COL24A1: variants seen among roughly 807,000 people sequenced by gnomAD.
COL24A1 encodes collagen alpha-1(XXIV) chain.
COL24A1 carries 224 observed loss-of-function variants against 253.9 expected under a neutral mutation model. The ratio of observed to expected loss-of-function variants is 0.88; its 90% CI spans 0.79 to 0.99. The LOEUF (loss-of-function observed/expected upper bound fraction) is 0.99, where lower values mean the gene tolerates loss of function less well. COL24A1 is among the 50% of genes least tolerant of loss of function. The probability of loss-of-function intolerance (pLI) is 0.00; values close to 1 mark genes in which losing one functional copy is unlikely to be tolerated. For synonymous variants in COL24A1, 685 were observed against 673.7 expected (o/e 1.02, Z -0.26); for missense variants, 2,131 against 2,068.5 (o/e 1.03, Z -0.59).
At position 86,156,403 on chromosome 1, in the gene COL24A1, G is replaced by T; in HGVS notation, c.-7C>A. On this transcript the variant is annotated 5_prime_UTR_variant, in exon 1 of 60. Coordinates refer to ENST00000370571, the MANE Select transcript of COL24A1 (RefSeq NM_152890.7). ...TGTGGGCTCTTAAATGCATTTGTAT[G>T]CATTTGTCCGTGCAGCAAAGCGCTA... 1.2e-6 allele frequency: 2 copies of T among 1,611,038 alleles called. No homozygotes were observed. Among genetic ancestry groups the T allele is most frequent in the South Asian group, 2.2e-5 (2 of 90,506 alleles).
At chr1:85,880,904 T>A (rs1171557047) in intron 32 of COL24A1, among the ~76,000 whole-genome samples, 2 of 152,250 alleles carry the variant, frequency 1.3e-5, no homozygotes, top group African/African-American at 4.8e-5. Flanking sequence ...ATTCTGTTTA[T>A]ACATTGTTTG....
chr1:85,875,224 G>T, intron 34 of COL24A1, 53 bp downstream of exon 34: 1 of 1,456,374 alleles, frequency 6.9e-7, no homozygotes, highest in Non-Finnish European at 9.6e-7. Flanking sequence ...AGCAAATGTA[G>T]GGGGTTCAAT....
At chr1:86,073,216 T>G (rs1434644711) in intron 7 of COL24A1, among the ~76,000 whole-genome samples, 1 of 152,114 alleles carries the variant, frequency 6.6e-6, no homozygotes, top group Non-Finnish European at 1.5e-5. Flanking sequence ...GCAAGGAAGC[T>G]AAGAACCTTG....
At chr1:86,001,101 T>C (rs1206715836) in intron 19 of COL24A1, among the ~76,000 whole-genome samples, 2 of 152,066 alleles carry the variant, frequency 1.3e-5, no homozygotes, top group Admixed American at 6.5e-5. Flanking sequence ...ACCTCTAATA[T>C]TTACAATTCC....
intron 43 of COL24A1, among the ~76,000 whole-genome samples, chr1:85,836,197 C>T (rs1310406073): frequency 1.3e-5 from 2 of 152,062 alleles, no homozygotes; most frequent in Non-Finnish European, 2.9e-5. Flanking sequence ...TGAAGGCTCC[C>T]GTGTTACGTA....
intron 50 of COL24A1, 32 bp downstream of exon 50, chr1:85,784,081 C>A: frequency 6.5e-7 from 1 of 1,548,512 alleles, no homozygotes. Flanking sequence ...TTCTAGATAG[C>A]TAGAAGACTA....
chr1:85,895,966 A>G lies in COL24A1; in HGVS notation c.2877+55T>C, dbSNP rs1361514950. On this transcript the variant is annotated intron_variant, in intron 30 of 59. Coordinates refer to ENST00000370571, the MANE Select transcript of COL24A1 (RefSeq NM_152890.7). The stretch of plus-strand genomic sequence containing the variant: ...TCCAAAAAGATTAATCATACTAAGA[A>G]AAACAAAAAAGACTTAAAATGTTCA... The G allele has an allele frequency of 2.5e-6, 4 of 1,600,278 alleles. No homozygotes were observed. In the Admixed American group the frequency reaches 5.3e-5, roughly 21 times the overall value.
In COL24A1 at chr1:86,125,218, A is replaced by G. The variant is rs1439899483; in HGVS notation, c.1118T>C (p.Met373Thr). Residue 373 changes from methionine to threonine, a missense_variant, in exon 3 of 60, where the codon ATG (methionine) becomes ACG (threonine). Met to Thr is a moderately conservative substitution (Grantham distance 81). Transcript: ENST00000370571. Reference protein sequence around the residue: ...TKEKFSSLLNMSDNITQHDDR... With the variant: ...TKEKFSSLLNTSDNITQHDDR... ...ATCATGTTGTGTGATATTGTCAGAC[A>G]TGTTTAGGAGAGAGCTAAATTTCTC... 6.2e-7 allele frequency: 1 copy of G among 1,613,652 alleles called. No individual in the cohort carries two copies. The highest frequency in any genetic ancestry group is 8.5e-7 in the Non-Finnish European group (1 of 1,179,790).
At chr1:85,921,215 C>G (rs12564781) in intron 24 of COL24A1, among the ~76,000 whole-genome samples, 17,755 of 152,184 alleles carry the variant, frequency 0.12, 1,152 homozygotes, top group South Asian at 0.23. Context: ...CCTGGAAAAT[C>G]GGGACACTCC....
intron 58 of COL24A1, 81 bp downstream of exon 58, chr1:85,737,315 T>A: frequency 1.3e-6 from 1 of 762,482 alleles, no homozygotes; most frequent in Non-Finnish European, 2.1e-6. Flanking sequence ...CATAATTATT[T>A]AAAATGATAG....
At chr1:86,120,286 C>T (rs1027378071) in intron 3 of COL24A1, among the ~76,000 whole-genome samples, 5 of 152,136 alleles carry the variant, frequency 3.3e-5, no homozygotes, top group African/African-American at 1.2e-4. Flanking sequence ...CCAAAATAGA[C>T]AAATGGGATC....
intron 7 of COL24A1, among the ~76,000 whole-genome samples, chr1:86,087,587 T>C (rs1408080198): frequency 3.3e-5 from 5 of 152,076 alleles, no homozygotes; most frequent in Non-Finnish European, 7.3e-5. Flanking sequence ...CTACAGAAAG[T>C]AATGAGTAGT....
intron 47 of COL24A1, among the ~76,000 whole-genome samples, chr1:85,809,883 A>T (rs1012591074): frequency 6.6e-6 from 1 of 151,182 alleles, no homozygotes; most frequent in African/African-American, 2.4e-5. Flanking sequence ...ATTATTGTAC[A>T]ACTGTCACTA....
At chr1:85,906,312 A>G (rs977887878) in intron 28 of COL24A1, among the ~76,000 whole-genome samples, 1 of 112,828 alleles carries the variant, frequency 8.9e-6, no homozygotes. Context: ...TTAGAATTTT[A>G]AAATATTTTC....
chr1:85,925,308 A>C (rs1290170774), intron 24 of COL24A1, among the ~76,000 whole-genome samples: 1 of 152,212 alleles, frequency 6.6e-6, no homozygotes, highest in Non-Finnish European at 1.5e-5. Flanking sequence ...TCTTCACGGA[A>C]TTGGAAAAAA....
At chr1:85,892,584 A>G (rs1180058600) in intron 31 of COL24A1, among the ~76,000 whole-genome samples, 1 of 152,080 alleles carries the variant, frequency 6.6e-6, no homozygotes, top group African/African-American at 2.4e-5. Context: ...TTTTTTCCCC[A>G]TTAAACATCT....
chr1:85,747,934 T>C (rs984288814), intron 55 of COL24A1, among the ~76,000 whole-genome samples: 14 of 152,214 alleles, frequency 9.2e-5, no homozygotes, highest in Non-Finnish European at 1.6e-4. Flanking sequence ...ATATTGATCA[T>C]TCTGAAAATA....
chr1:86,011,963 T>A (rs768149699), intron 19 of COL24A1, among the ~76,000 whole-genome samples: 1 of 151,378 alleles, frequency 6.6e-6, no homozygotes, highest in Admixed American at 6.6e-5. Context: ...ATTTTTGAGA[T>A]TGGCCCTGGC....
At chr1:85,957,023 AT>A (rs1690531750) in intron 24 of COL24A1, among the ~76,000 whole-genome samples, 1 of 152,206 alleles carries the variant, frequency 6.6e-6, no homozygotes, top group African/African-American at 2.4e-5. Flanking sequence ...ACACCACAGA[AT>A]ACTATGCAGC....
Sources: allele counts gnomAD v4.1 joint callset (sites outside exome capture counted in the v4.1 genomes callset), GRCh38; gene constraint gnomAD v4.1.1; transcripts MANE v1.5; gene names NCBI Gene and HGNC (gene_info 2026-07-23, HGNC 2026-07-21).